The following AKAP10 variants were observed in gnomAD, a reference collection of about 807,000 sequenced individuals.
The protein encoded by AKAP10 is A-kinase anchor protein 10, mitochondrial.
A neutral mutation model predicts 80.8 loss-of-function variants in AKAP10; 24 were observed. That is an observed-to-expected ratio of 0.30 (90% CI 0.22 to 0.42). The LOEUF (loss-of-function observed/expected upper bound fraction) is 0.42. Among genes scored for constraint, AKAP10 ranks in the 10% least tolerant of loss-of-function variants. AKAP10 has a pLI of 1.00. For missense variants in AKAP10, 661 were observed against 794.9 expected, an observed-to-expected ratio of 0.83 and a Z score of 2.03; for synonymous variants, 291 against 277.7, an observed-to-expected ratio of 1.05 and a Z score of -0.48.
At chr17:19,914,919 G>C (rs1460889220) in intron 12 of AKAP10, among the ~76,000 whole-genome samples, 1 of 152,226 alleles carries the variant, frequency 6.6e-6, no homozygotes, top group Non-Finnish European at 1.5e-5. Flanking sequence ...TAAGGTGATA[G>C]AGGCCAGCAA....
chr17:19,960,017 C>G (rs938593555), intron 3 of AKAP10, among the ~76,000 whole-genome samples: 1 of 152,120 alleles, frequency 6.6e-6, no homozygotes, highest in Non-Finnish European at 1.5e-5. Context: ...GAGGCTGGGG[C>G]AGGCGGATCA....
Position 19,977,644 on chromosome 17 carries a change from G to T in AKAP10, c.36C>A (p.Pro12=). ...RGAGPSPRQS[P]RTLRPDPGPA... ...GGCCCGGGTCGGGACGGAGGGTGCG[G>T]GGGGACTGGCGCGGGGAGGGCCCGG... The change falls in exon 1 of 15, where the codon CCC becomes CCA. Residue 12 remains proline (P), a synonymous_variant. Coordinates refer to ENST00000225737, the MANE Select transcript of AKAP10 (RefSeq NM_007202.4). The T allele has an allele frequency of 1.6e-6, 2 of 1,235,548 alleles. No homozygotes were observed. 76.5% of individuals were successfully genotyped at this position (1,235,548 alleles called of 1,614,324 possible).
chr17:19,973,082 T>A (rs1056970136), intron 1 of AKAP10, among the ~76,000 whole-genome samples: 1 of 152,174 alleles, frequency 6.6e-6, no homozygotes, highest in East Asian at 1.9e-4. Context: ...TGGGTTCAAG[T>A]GATTCTTGTG....
intron 3 of AKAP10, among the ~76,000 whole-genome samples, chr17:19,958,971 G>A (rs910101819): frequency 4.7e-5 from 7 of 148,406 alleles, no homozygotes; most frequent in Non-Finnish European, 1.0e-4. Flanking sequence ...TCTTGACTCA[G>A]CCTCCTAAGT....
chr17:19,932,561 G>A (rs749007825), intron 9 of AKAP10, among the ~76,000 whole-genome samples: 1 of 151,428 alleles, frequency 6.6e-6, no homozygotes, highest in African/African-American at 2.4e-5. Context: ...CTTTTTAGCA[G>A]AAAATAGTCC....
intron 7 of AKAP10, 107 bp downstream of exon 7, chr17:19,940,780 G>T: frequency 7.8e-7 from 1 of 1,276,380 alleles, no homozygotes; most frequent in Non-Finnish European, 1.0e-6. Context: ...ACATCTTTTT[G>T]GAAATGACTT....
At chr17:19,957,827 T>G (rs1353806955) in intron 4 of AKAP10, among the ~76,000 whole-genome samples, 187 bp downstream of exon 4, 1 of 134,834 alleles carries the variant, frequency 7.4e-6, no homozygotes, top group East Asian at 2.0e-4. Flanking sequence ...GAAGGTCCAG[T>G]CACTCCTGCT....
chr17:19,938,670 C>A (rs2043019434), intron 8 of AKAP10, among the ~76,000 whole-genome samples: 2 of 152,050 alleles, frequency 1.3e-5, no homozygotes, highest in Non-Finnish European at 2.9e-5. Flanking sequence ...GTGGACTTTT[C>A]TCTATCCCCA....
intron 2 of AKAP10, among the ~76,000 whole-genome samples, chr17:19,964,677 G>A (rs1490861719): frequency 2.0e-5 from 3 of 151,960 alleles, no homozygotes; most frequent in African/African-American, 7.3e-5. Context: ...AGATCACGAG[G>A]CCAGGAGTTC....
At chr17:19,909,489 A>G (rs1449530463) in intron 13 of AKAP10, among the ~76,000 whole-genome samples, 1 of 152,214 alleles carries the variant, frequency 6.6e-6, no homozygotes, top group African/African-American at 2.4e-5. Flanking sequence ...CTGGATACCT[A>G]ACACCGAACT....
chr17:19,943,690 C>T (rs2043073323), intron 5 of AKAP10, among the ~76,000 whole-genome samples: 1 of 152,068 alleles, frequency 6.6e-6, no homozygotes, highest in East Asian at 1.9e-4. Flanking sequence ...TTTATTGAAC[C>T]CAAGGAGGGG....
chr17:19,965,549 T>G (rs965657259), intron 2 of AKAP10, among the ~76,000 whole-genome samples: 2 of 152,332 alleles, frequency 1.3e-5, no homozygotes, highest in Non-Finnish European at 2.9e-5. Context: ...CTCCCTCTAC[T>G]TGTCTGAAGG....
intron 10 of AKAP10, among the ~76,000 whole-genome samples, chr17:19,927,018 G>A (rs1448436221): frequency 3.9e-5 from 6 of 152,138 alleles, no homozygotes; most frequent in African/African-American, 1.4e-4. Flanking sequence ...AGCTACTCGG[G>A]AGGCTGAAGC....
At chr17:19,951,392 G>A (rs1275138359) in intron 4 of AKAP10, among the ~76,000 whole-genome samples, 3 of 152,234 alleles carry the variant, frequency 2.0e-5, no homozygotes, top group Admixed American at 6.5e-5. Flanking sequence ...CCGTCTGGGA[G>A]GTGTACCCAA....
chr17:19,957,837 T>C (rs1171214280), intron 4 of AKAP10, among the ~76,000 whole-genome samples, 177 bp downstream of exon 4: 1 of 152,170 alleles, frequency 6.6e-6, no homozygotes, highest in Non-Finnish European at 1.5e-5. Context: ...TCACTCCTGC[T>C]CCTTTTCCAT....
intron 4 of AKAP10, among the ~76,000 whole-genome samples, chr17:19,953,993 C>G (rs1241656437): frequency 6.6e-6 from 1 of 152,078 alleles, no homozygotes; most frequent in Non-Finnish European, 1.5e-5. Flanking sequence ...GATCTCACCA[C>G]TGCACTCCAA....
At chr17:19,962,090 T>C (rs1218033875) in intron 3 of AKAP10, among the ~76,000 whole-genome samples, 1 of 152,110 alleles carries the variant, frequency 6.6e-6, no homozygotes, top group African/African-American at 2.4e-5. Flanking sequence ...CACTCCAGCC[T>C]GGGCAACAGA....
At chr17:19,954,508 G>A (rs771683488) in intron 4 of AKAP10, among the ~76,000 whole-genome samples, 1 of 141,076 alleles carries the variant, frequency 7.1e-6, no homozygotes, top group Non-Finnish European at 1.5e-5. Flanking sequence ...TTTTTGAGAT[G>A]GAGTCTCACT....
At chr17:19,975,635 G>T (rs11651339) in intron 1 of AKAP10, among the ~76,000 whole-genome samples, 22 of 152,138 alleles carry the variant, frequency 1.4e-4, no homozygotes, top group Non-Finnish European at 3.1e-4. Context: ...TACATGGAGC[G>T]AAAGGGAGAA....
Sources: gnomAD v4.1 joint callset for allele counts (sites outside exome capture counted in the v4.1 genomes callset) on GRCh38, gnomAD v4.1.1 for gene constraint, MANE v1.5 for transcripts, NCBI Gene and HGNC (gene_info 2026-07-23, HGNC 2026-07-21) for gene names.